Variants in MROH7 observed in about 807,000 individuals in gnomAD.
MROH7 encodes maestro heat-like repeat-containing protein family member 7.
A neutral mutation model predicts 129.2 loss-of-function variants in MROH7; 113 were observed. The ratio of observed to expected loss-of-function variants is 0.87; its 90% CI spans 0.75 to 1.02. MROH7 has a LOEUF of 1.02. MROH7 is among the 50% of genes least tolerant of loss of function. MROH7 has a pLI of 0.00. For synonymous variants in MROH7, 655 were observed against 667.9 expected (o/e 0.98, Z 0.30); for missense variants, 1,601 against 1,671.3 (o/e 0.96, Z 0.73).
chr1:54,696,060 C>T (rs943181453), intron 17 of MROH7, among the ~76,000 whole-genome samples: 1 of 152,128 alleles, frequency 6.6e-6, no homozygotes, highest in African/African-American at 2.4e-5. Context: ...ATAATAACAG[C>T]TAATATTTAT....
chr1:54,673,286 G>T (rs2101114106), intron 8 of MROH7, 100 bp downstream of exon 8: 1 of 848,970 alleles, frequency 1.2e-6, no homozygotes, highest in Non-Finnish European at 1.9e-6. Flanking sequence ...GAGTGATTTG[G>T]CTTCAGGATG....
At chr1:54,661,576 ATTTGTTTGTTTG>A (rs71048703) in intron 3 of MROH7, among the ~76,000 whole-genome samples, 29 of 149,730 alleles carry the variant, frequency 1.9e-4, no homozygotes, top group African/African-American at 5.2e-4. Context: ...TAAAAATATT[ATTTGTTTGTTTG>A]TTTGTTTGTT....
chr1:54,706,563 C>T lies in MROH7; in HGVS notation c.3667+26C>T, dbSNP rs748460371. The T allele has an allele frequency of 4.5e-6, 7 of 1,544,022 alleles. No individual in the cohort carries two copies. The South Asian group carries it at 7.8e-5, about 17-fold the overall frequency. ...GTAACCTGCCCTGGCATAAGTCATC[C>T]TGCTGCCAGGGCTCTGCCTGCTCTC... On this transcript the variant is annotated intron_variant, in intron 22 of 23. Coordinates refer to ENST00000421030, the MANE Select transcript of MROH7 (RefSeq NM_001039464.4).
In MROH7 at chr1:54,700,447, C is replaced by T. The variant is rs147744184; in HGVS notation, c.3091C>T (p.Arg1031Cys). 881 of 1,600,260 alleles carry T rather than the reference C, an allele frequency of 5.5e-4. 3 individuals carry two copies. Among genetic ancestry groups the T allele is most frequent in the East Asian group, 5.4e-3 (241 of 44,748 alleles). ...CATTCGAGGCCTGGTCATCCTGGCC[C>T]GCAGGTCTGAGAAGGTGAGTGGGAG... is the stretch of plus-strand genomic sequence containing the variant. ...LSIRGLVILA[R>C]RSEKTAKVKA... Residue 1031 changes from arginine (R) to cysteine (C), a missense_variant, in exon 18 of 24, where the codon CGC becomes TGC. Coordinates refer to ENST00000421030, the MANE Select transcript of MROH7 (RefSeq NM_001039464.4).
intron 5 of MROH7, among the ~76,000 whole-genome samples, chr1:54,670,075 A>G (rs1376973368): frequency 1.5e-4 from 1 of 6,628 alleles, no homozygotes; most frequent in Non-Finnish European, 2.8e-4. Context: ...TAAAAAGAAG[A>G]AAAAAAAACA....
chr1:54,660,163 G>A (rs547119942), intron 3 of MROH7, among the ~76,000 whole-genome samples: 26 of 152,308 alleles, frequency 1.7e-4, no homozygotes, highest in South Asian at 4.1e-4. Flanking sequence ...TTTTCTCACA[G>A]TTCTAGAAAC....
rs1004585273 is a variant in MROH7 at position 54,703,406 on chromosome 1, G to A, written c.3564+661G>A. Among the ~76,000 whole-genome samples the A allele has an allele frequency of 6.6e-6, 1 of 152,178 alleles. No individual in the cohort carries two copies. The highest frequency in any genetic ancestry group is 2.4e-5 in the African/African-American group (1 of 41,436). On this transcript the variant is annotated intron_variant, in intron 21 of 23. Transcript: ENST00000421030. The surrounding 1 kb of genome is among the most constrained non-coding windows in gnomAD (Gnocchi z 4.4). ...CCAGTCTCACAAAATATGCCCCAGA[G>A]GGAGGAAAAGAAGTTTGAAGACAAG...
intron 3 of MROH7, among the ~76,000 whole-genome samples, chr1:54,654,820 C>T (rs546239590): frequency 6.6e-6 from 1 of 152,250 alleles, no homozygotes; most frequent in African/African-American, 2.4e-5. Flanking sequence ...TGAGCAAGGC[C>T]TTGGGGTCCT....
At chr1:54,697,509 G>A in intron 17 of MROH7, 2 of 543,930 alleles carry the variant, frequency 3.7e-6, no homozygotes, top group Non-Finnish European at 6.7e-6. Flanking sequence ...CTGGGTTCCA[G>A]CCCCAGCTCC....
At position 54,678,766 on chromosome 1, in the gene MROH7, AC is replaced by A. The variant is rs780262196; in HGVS notation, c.1962del (p.Asn654LysfsTer19). ...GGAGCCAGAGATAAGGAAGAGACCA[AC>A]AAAAAGGAGCTATATGAGAGCAACA... Reference protein sequence around the residue: ...QKRARDKEETNKKELYESNKH... With the variant: ...QKRARDKEETXKKELYESNKH... On this transcript the variant is annotated frameshift_variant, in exon 11 of 24. Coordinates refer to ENST00000421030, the MANE Select transcript of MROH7 (RefSeq NM_001039464.4). LOFTEE classifies it high-confidence loss of function. 2 of 1,614,056 alleles carry A rather than the reference AC, an allele frequency of 1.2e-6. No individual in the cohort carries two copies. Among genetic ancestry groups the A allele is most frequent in the Admixed American group, 1.7e-5 (1 of 60,026 alleles).
chr1:54,695,350 GGACT>G (rs1397401775), intron 16 of MROH7, 22 bp from the exon 17 acceptor site: 7 of 1,419,404 alleles, frequency 4.9e-6, no homozygotes, highest in Non-Finnish European at 6.9e-6. Flanking sequence ...ATACCTGAGG[GGACT>G]ACTCCCCCTT....
intron 1 of MROH7, among the ~76,000 whole-genome samples, chr1:54,646,219 A>G (rs958365691): frequency 2.6e-5 from 4 of 152,192 alleles, no homozygotes; most frequent in African/African-American, 9.7e-5. Context: ...CCAGAGATCC[A>G]GGGTTCTGCT....
intron 3 of MROH7, among the ~76,000 whole-genome samples, chr1:54,662,565 C>T (rs1644748714): frequency 6.6e-6 from 1 of 150,684 alleles, no homozygotes; most frequent in Non-Finnish European, 1.5e-5. Context: ...TGAAAACGTA[C>T]TATAAATTTT....
intron 3 of MROH7, among the ~76,000 whole-genome samples, chr1:54,662,464 A>T (rs1644746911): frequency 1.3e-5 from 2 of 151,260 alleles, no homozygotes; most frequent in African/African-American, 4.9e-5. Flanking sequence ...TGAACCTGGG[A>T]GGTGGAGGTT....
chr1:54,692,596 A>C, intron 16 of MROH7, 35 bp downstream of exon 16: 10 of 1,061,994 alleles, frequency 9.4e-6, no homozygotes, highest in Non-Finnish European at 1.4e-5. Context: ...TTGGGGTGGG[A>C]GGGAGAAAGA....
intron 23 of MROH7, 114 bp downstream of exon 23, chr1:54,709,190 C>A (rs1645584171): frequency 2.0e-6 from 2 of 996,306 alleles, no homozygotes; most frequent in Non-Finnish European, 3.2e-6. Flanking sequence ...GTCTTCAACT[C>A]AGTTCAGTTG....
chr1:54,669,055 G>A (rs543432246), intron 5 of MROH7, 118 bp downstream of exon 5: 3 of 696,236 alleles, frequency 4.3e-6, no homozygotes, highest in Non-Finnish European at 7.4e-6. Flanking sequence ...ACGGGATGAG[G>A]AGGCAGGACA....
At chr1:54,705,155 G>A (rs895097115) in intron 21 of MROH7, among the ~76,000 whole-genome samples, 2 of 152,138 alleles carry the variant, frequency 1.3e-5, no homozygotes, top group South Asian at 2.1e-4. Context: ...ACTGAGGCCC[G>A]TGGCTGCCAG....
intron 17 of MROH7, chr1:54,699,683 C>T (rs183894529): frequency 3.6e-5 from 7 of 192,250 alleles, no homozygotes; most frequent in African/African-American, 1.4e-4. Context: ...TGTTAGCTAA[C>T]AGGGGCCCAT....
Sources: allele counts gnomAD v4.1 joint callset (sites outside exome capture counted in the v4.1 genomes callset), GRCh38; gene constraint gnomAD v4.1.1; non-coding constraint Gnocchi (gnomAD v3.1); transcripts MANE v1.5; gene names NCBI Gene and HGNC (gene_info 2026-07-23, HGNC 2026-07-21).